OSBPL10: variants seen among roughly 807,000 people sequenced by gnomAD.
The protein encoded by OSBPL10 is oxysterol binding protein like 10, also known as oxysterol-binding protein-related protein 10.
In OSBPL10, 49 loss-of-function variants were observed where a neutral mutation model predicts 81.7. The ratio of observed to expected loss-of-function variants is 0.60; its 90% CI spans 0.48 to 0.76. The LOEUF (loss-of-function observed/expected upper bound fraction) is 0.76, where lower values mean the gene tolerates loss of function less well. OSBPL10 is among the 30% of genes least tolerant of loss of function. The pLI is 0.00. For missense variants in OSBPL10, 923 were observed against 987.8 expected (o/e 0.93, Z 0.88); for synonymous variants, 419 against 383.6 (o/e 1.09, Z -1.08).
chr3:32,026,096 A>AGATAGAT (rs1559551500), intron 2 of OSBPL10, among the ~76,000 whole-genome samples: 4,465 of 90,314 alleles, frequency 0.049, 111 homozygotes, highest in East Asian at 0.13. Context: ...GATAGATGAT[A>AGATAGAT]GATAGATAGA....
At chr3:31,864,858 C>T (rs981596715) in intron 3 of OSBPL10, among the ~76,000 whole-genome samples, 2 of 152,132 alleles carry the variant, frequency 1.3e-5, no homozygotes, top group Non-Finnish European at 2.9e-5. Flanking sequence ...TTGTCCTTCA[C>T]TAAAGCCGCG....
At chr3:32,051,701 C>A (rs1699671081) in intron 1 of OSBPL10, among the ~76,000 whole-genome samples, 1 of 152,054 alleles carries the variant, frequency 6.6e-6, no homozygotes, top group Admixed American at 6.6e-5. Context: ...TGAATGGTTC[C>A]ACCCTGAAGC....
intron 4 of OSBPL10, among the ~76,000 whole-genome samples, chr3:31,823,309 T>A (rs1230868032): frequency 6.6e-6 from 1 of 152,238 alleles, no homozygotes; most frequent in Non-Finnish European, 1.5e-5. Context: ...TTCATCAGTA[T>A]GCCTAGTGAT....
chr3:31,827,755 T>C (rs1575570289), intron 4 of OSBPL10, among the ~76,000 whole-genome samples: 1 of 152,328 alleles, frequency 6.6e-6, no homozygotes, highest in East Asian at 1.9e-4. Flanking sequence ...TGGTTATCTG[T>C]AGGGAGGTAC....
At chr3:31,766,418 T>C (rs939778932) in intron 4 of OSBPL10, among the ~76,000 whole-genome samples, 2 of 143,620 alleles carry the variant, frequency 1.4e-5, no homozygotes, top group South Asian at 2.4e-4. Context: ...TCATTGCTCA[T>C]TGCAGACTCA....
rs551001672 is a variant in OSBPL10, at chr3:31,661,031, C to T, written c.*1041G>A. The T allele has an allele frequency of 2.6e-5, 4 of 152,596 alleles. No individual in the cohort carries two copies. Among genetic ancestry groups the T allele is most frequent in the Non-Finnish European group, 4.4e-5 (3 of 68,030 alleles). 9.5% of individuals were successfully genotyped at this position (152,596 alleles called of 1,614,324 possible). On this transcript the variant is annotated 3_prime_UTR_variant, in exon 12 of 12. Transcript: ENST00000396556. ...TCATTTTTTCCTTGCTTTGTATTTT[C>T]GTCACTCCTTTGACCTCATGTGTAA...
chr3:31,815,454 T>G (rs2125492351), intron 4 of OSBPL10, among the ~76,000 whole-genome samples: 1 of 152,312 alleles, frequency 6.6e-6, no homozygotes, highest in East Asian at 1.9e-4. Flanking sequence ...GTTACACCTT[T>G]AAAAGGAAAC....
rs1258342648 is a variant in OSBPL10, at chr3:31,843,162, T to G, written c.538-12931A>C. On this transcript the variant is annotated intron_variant, in intron 3 of 11. Coordinates refer to ENST00000396556, the MANE Select transcript of OSBPL10 (RefSeq NM_017784.5). ...GACCTGGGACTCTTCTACAGAAGCC[T>G]GTTTGGAAAGTCCACAGCAACTGTT... Among the ~76,000 whole-genome samples the G allele has an allele frequency of 2.0e-5, 3 of 152,210 alleles. No homozygotes were observed. The East Asian group carries it at 5.8e-4, about 29-fold the overall frequency.
rs116345372 is a variant in OSBPL10 at position 31,771,771 on chromosome 3, C to T, written c.730-23651G>A. 4.6e-3 allele frequency among the ~76,000 whole-genome samples: 703 copies of T among 152,290 alleles called. 5 individuals are homozygous for T. Among genetic ancestry groups the T allele is most frequent in the African/African-American group, 0.016 (652 of 41,550 alleles). The stretch of plus-strand genomic sequence containing the variant: ...ACATATAGCTTAGAAGGTATATACG[C>T]TCTGGAAAACTTCGTAATTTTGAGT... On this transcript the variant is annotated intron_variant, in intron 4 of 11. Coordinates refer to ENST00000396556, the MANE Select transcript of OSBPL10 (RefSeq NM_017784.5).
chr3:31,737,699 C>A (rs1329845927), intron 5 of OSBPL10, among the ~76,000 whole-genome samples: 1 of 151,932 alleles, frequency 6.6e-6, no homozygotes, highest in East Asian at 1.9e-4. Flanking sequence ...AGGCAGAAGA[C>A]AATAGAGAAA....
intron 4 of OSBPL10, among the ~76,000 whole-genome samples, chr3:31,828,350 T>C (rs188868632): frequency 6.6e-6 from 1 of 152,280 alleles, no homozygotes; most frequent in East Asian, 1.9e-4. Flanking sequence ...CAATGGAAAG[T>C]TGGAATTGTT....
chr3:31,975,598 C>T (rs958032314), intron 1 of OSBPL10, among the ~76,000 whole-genome samples: 2 of 152,128 alleles, frequency 1.3e-5, no homozygotes, highest in African/African-American at 4.8e-5. Flanking sequence ...GGCCCTAAAT[C>T]AGGGTGGGCA....
chr3:31,794,199 C>T (rs1482641179), intron 4 of OSBPL10, among the ~76,000 whole-genome samples: 1 of 152,190 alleles, frequency 6.6e-6, no homozygotes, highest in African/African-American at 2.4e-5. Context: ...GGTTGGAGTG[C>T]AATGGCACAA....
rs776559162 is a variant in OSBPL10 at position 31,830,130 on chromosome 3, G to A, written c.639C>T (p.Pro213=). 76 of 1,613,670 alleles carry A rather than the reference G, an allele frequency of 4.7e-5. No homozygotes were observed. The Middle Eastern group carries it at 6.6e-4, about 14-fold the overall frequency. The part of the protein sequence containing the change: ...CSQRHLSVGA[P]GVVTITHHKS... ...TGTGATGCGTGATTGTGACAACACC[G>A]GGGGCCCCCACACTGAGGTGTCTCT... Residue 213 remains proline (P), a synonymous_variant, in exon 4 of 12, where the codon CCC becomes CCT. Transcript: ENST00000396556.
At chr3:31,749,142 A>G (rs1309546783) in intron 4 of OSBPL10, among the ~76,000 whole-genome samples, 2 of 152,142 alleles carry the variant, frequency 1.3e-5, no homozygotes, top group Non-Finnish European at 2.9e-5. Flanking sequence ...AACATCTCCT[A>G]CTTTGTCACT....
At chr3:31,954,011 G>T (rs766562820) in intron 1 of OSBPL10, among the ~76,000 whole-genome samples, 1 of 152,192 alleles carries the variant, frequency 6.6e-6, no homozygotes, top group Non-Finnish European at 1.5e-5. Flanking sequence ...AGCTCCAGTT[G>T]TTGCAGCTGA....
At chr3:31,803,878 T>C (rs1430665250) in intron 4 of OSBPL10, among the ~76,000 whole-genome samples, 1 of 152,264 alleles carries the variant, frequency 6.6e-6, no homozygotes. Context: ...TATTTGGTGG[T>C]ACATGTTTTT....
At chr3:31,674,075 T>C (rs1700393934) in intron 8 of OSBPL10, among the ~76,000 whole-genome samples, 1 of 152,150 alleles carries the variant, frequency 6.6e-6, no homozygotes, top group South Asian at 2.1e-4. Context: ...CTGTATAGGT[T>C]GGATATTTGA....
rs560081340 is a variant in OSBPL10 at position 31,780,490 on chromosome 3, G to GA, written c.730-32371dup. ...GATCAGAATAGAACTAAATGAAATT[G>GA]AAAAAAAAAATACAAAAAATAAACA... is the stretch of plus-strand genomic sequence containing the variant. On this transcript the variant is annotated intron_variant, in intron 4 of 11. Transcript: ENST00000396556. Among the ~76,000 whole-genome samples, 559 of 143,082 alleles carry GA rather than the reference G, an allele frequency of 3.9e-3. 2 individuals carry two copies. Among genetic ancestry groups the GA allele is most frequent in the Non-Finnish European group, 6.5e-3 (427 of 65,230 alleles). 93.9% of individuals were successfully genotyped at this position (143,082 alleles called of 152,430 possible).
Sources: gnomAD v4.1 joint callset for allele counts (sites outside exome capture counted in the v4.1 genomes callset) on GRCh38, gnomAD v4.1.1 for gene constraint, MANE v1.5 for transcripts, NCBI Gene and HGNC (gene_info 2026-07-23, HGNC 2026-07-21) for gene names.